PRKCQ: variants seen among roughly 807,000 people sequenced by gnomAD.
The protein encoded by PRKCQ is protein kinase C theta, also known as protein kinase C theta type.
In PRKCQ, 41 loss-of-function variants were observed where a neutral mutation model predicts 91.2. The observed-to-expected ratio is 0.45, with a 90% CI of 0.35 to 0.58. PRKCQ has a LOEUF of 0.58. Among genes scored for constraint, PRKCQ ranks in the 20% least tolerant of loss-of-function variants. The pLI, the probability that PRKCQ is intolerant of heterozygous loss-of-function variation, is 0.00. For synonymous variants in PRKCQ, 307 were observed against 316.9 expected (o/e 0.97, Z 0.33); for missense variants, 673 against 896.5 (o/e 0.75, Z 3.18).
At chr10:6,549,297 T>C (rs1346442318) in intron 1 of PRKCQ, among the ~76,000 whole-genome samples, 1 of 152,142 alleles carries the variant, frequency 6.6e-6, no homozygotes, top group Non-Finnish European at 1.5e-5. Flanking sequence ...AGAGTTCCCT[T>C]GGGTAGAATT....
chr10:6,507,391 CCATGCCCTCCT>C, intron 4 of PRKCQ, 34 bp downstream of exon 4: 1 of 1,510,964 alleles, frequency 6.6e-7, no homozygotes, highest in Non-Finnish European at 9.2e-7. Context: ...GAGGAGAAGG[CCATGCCCTCCT>C]CACCCCCAAA....
At chr10:6,513,771 ATAG>A (rs1838612958) in intron 2 of PRKCQ, among the ~76,000 whole-genome samples, 1 of 152,162 alleles carries the variant, frequency 6.6e-6, no homozygotes, top group African/African-American at 2.4e-5. Context: ...GGGATGCAAA[ATAG>A]TAGGTTTGGG....
downstream of PRKCQ, among the ~76,000 whole-genome samples, chr10:6,426,538 C>T (rs914906001): frequency 2.0e-5 from 3 of 152,022 alleles, no homozygotes; most frequent in South Asian, 2.1e-4. Context: ...ACAAAGGGCC[C>T]GGACACCTGA....
chr10:6,459,424 T>A (rs1051069388), intron 14 of PRKCQ, among the ~76,000 whole-genome samples: 1 of 152,100 alleles, frequency 6.6e-6, no homozygotes, highest in Non-Finnish European at 1.5e-5. Flanking sequence ...GACCTGCACA[T>A]CCAGAGCACA....
the PRKCQ span, among the ~76,000 whole-genome samples, chr10:6,402,442 T>A: frequency 6.8e-6 from 1 of 146,730 alleles, no homozygotes; most frequent in East Asian, 2.0e-4. Flanking sequence ...ACGCCTACCA[T>A]GTGTGAAGCA....
chr10:6,491,368 A>T (rs1837285905), intron 8 of PRKCQ, among the ~76,000 whole-genome samples: 1 of 152,254 alleles, frequency 6.6e-6, no homozygotes, highest in African/African-American at 2.4e-5. Flanking sequence ...AGTAGTAGAA[A>T]GACCAGTGAG....
intron 8 of PRKCQ, chr10:6,489,426 G>A (rs1837145590): frequency 1.9e-6 from 1 of 532,116 alleles, no homozygotes; most frequent in South Asian, 1.4e-5. Context: ...TTTCTTGGAG[G>A]GCAAAGAGTC....
Position 6,485,248 on chromosome 10 carries a change from C to T in PRKCQ, c.922G>A (p.Glu308Lys). 1 of 1,613,986 alleles carries T rather than the reference C, an allele frequency of 6.2e-7. No homozygotes were observed. The part of the protein sequence containing the change: ...TQQARCLRDT[E>K]QIFREGPVEI... ...ACCGGACCTTCTCTGAAGATCTGTTCAGTATCTCTTAAGCAGCGAGCCTGG... is the reference window on the plus strand; with the variant it reads ...ACCGGACCTTCTCTGAAGATCTGTTTAGTATCTCTTAAGCAGCGAGCCTGG... Residue 308 changes from glutamate (E) to lysine (K), a missense_variant, in exon 10 of 18, where the codon GAA becomes AAA. By Grantham distance (56) the Glu-to-Lys change is moderately conservative. Coordinates refer to ENST00000263125, the MANE Select transcript of PRKCQ (RefSeq NM_006257.5).
At chr10:6,466,379 G>A (rs912517814) in intron 12 of PRKCQ, among the ~76,000 whole-genome samples, 2 of 152,202 alleles carry the variant, frequency 1.3e-5, no homozygotes, top group African/African-American at 4.8e-5. Flanking sequence ...GGCCATTAAA[G>A]TCTAAGAGAT....
At chr10:6,398,225 C>A in the PRKCQ span, among the ~76,000 whole-genome samples, 4 of 152,184 alleles carry the variant, frequency 2.6e-5, no homozygotes, top group African/African-American at 9.6e-5. Context: ...ACTCTGTATT[C>A]TATTCCATTG....
At chr10:6,451,515 C>A (rs1834675265) in intron 15 of PRKCQ, among the ~76,000 whole-genome samples, 1 of 152,150 alleles carries the variant, frequency 6.6e-6, no homozygotes, top group African/African-American at 2.4e-5. Flanking sequence ...GGAACTGGTA[C>A]CATTCCTTCT....
chr10:6,572,796 A>C (rs1810423702), intron 1 of PRKCQ, among the ~76,000 whole-genome samples: 1 of 152,116 alleles, frequency 6.6e-6, no homozygotes, highest in Non-Finnish European at 1.5e-5. Flanking sequence ...TAGATCTTTG[A>C]GGAATTGCCA....
chr10:6,467,351 G>GAC (rs1564324138), intron 12 of PRKCQ, among the ~76,000 whole-genome samples: 45 of 130,294 alleles, frequency 3.5e-4, no homozygotes, highest in Non-Finnish European at 4.6e-4. Flanking sequence ...GAGAGAGAGA[G>GAC]AGAGACAGAG....
intron 1 of PRKCQ, among the ~76,000 whole-genome samples, chr10:6,569,741 GAC>G (rs1192018247): frequency 6.6e-6 from 1 of 152,178 alleles, no homozygotes; most frequent in Non-Finnish European, 1.5e-5. Context: ...ATCAAGGAAA[GAC>G]ACACAGATTT....
At chr10:6,446,903 T>C in intron 15 of PRKCQ, among the ~76,000 whole-genome samples, 1 of 152,222 alleles carries the variant, frequency 6.6e-6, no homozygotes, top group Non-Finnish European at 1.5e-5. Flanking sequence ...TCATCTGTTC[T>C]CCTTCAGCCT....
At position 6,483,432 on chromosome 10, in the gene PRKCQ, T is replaced by C; in HGVS notation, c.1179+8A>G. 1 of 1,614,176 alleles carries C rather than the reference T, an allele frequency of 6.2e-7. No homozygotes were observed. On this transcript the variant is annotated splice_region_variant and intron_variant, in intron 11 of 17. Coordinates refer to ENST00000263125, the MANE Select transcript of PRKCQ (RefSeq NM_006257.5). The stretch of plus-strand genomic sequence containing the variant: ...TGGGCCATAGCATTCTCCCGTGCAT[T>C]AGCTTACCTTGCCAAAACTTCCTTT...
At position 6,498,562 on chromosome 10, in the gene PRKCQ, C is replaced by T. The variant is rs1837743143; in HGVS notation, c.380-4G>A. 2 of 1,613,450 alleles carry T rather than the reference C, an allele frequency of 1.2e-6. No individual in the cohort carries two copies. The highest frequency in any genetic ancestry group is 1.1e-5 in the South Asian group (1 of 91,028). On this transcript the variant is annotated splice_region_variant and splice_polypyrimidine_tract_variant and intron_variant, in intron 4 of 17. Coordinates refer to ENST00000263125, the MANE Select transcript of PRKCQ (RefSeq NM_006257.5). ...AATTCATTCATGTCCTTTGTGTCTA[C>T]AGGAAGAGAGAGGGGAAGAAAGTGA...
chr10:6,502,053 T>C (rs1457287087), intron 4 of PRKCQ, among the ~76,000 whole-genome samples: 1 of 152,188 alleles, frequency 6.6e-6, no homozygotes, highest in Non-Finnish European at 1.5e-5. Context: ...GCATTCATTG[T>C]GTACTTCCTG....
At chr10:6,424,318 C>T (rs602756), downstream of PRKCQ, among the ~76,000 whole-genome samples, 31,791 of 151,974 alleles carry the variant, frequency 0.21, 3,521 homozygotes, top group Non-Finnish European at 0.24. Flanking sequence ...AATTGAAAAC[C>T]GATTTAAAGT....
Sources: allele counts gnomAD v4.1 joint callset (sites outside exome capture counted in the v4.1 genomes callset), GRCh38; gene constraint gnomAD v4.1.1; transcripts MANE v1.5; gene names NCBI Gene and HGNC (gene_info 2026-07-23, HGNC 2026-07-21).